ATP9B: variants seen among roughly 807,000 people sequenced by gnomAD.
ATP9B encodes ATPase phospholipid transporting 9B.
Under a neutral mutation model 146.1 loss-of-function variants are expected in ATP9B, and 110 were observed. The ratio of observed to expected loss-of-function variants is 0.75; its 90% confidence interval spans 0.65 to 0.88. The LOEUF is 0.88. Among genes scored for constraint, ATP9B ranks in the 40% least tolerant of loss-of-function variants. ATP9B has a pLI of 0.00. For synonymous variants in ATP9B, 604 were observed against 569.7 expected (o/e 1.06, Z -0.86); for missense variants, 1,499 against 1,496.4 (o/e 1.00, Z -0.03).
intron 11 of ATP9B, among the ~76,000 whole-genome samples, chr18:79,244,743 C>T (rs939346465): frequency 6.6e-6 from 1 of 152,102 alleles, no homozygotes. Flanking sequence ...GCAGATACCT[C>T]CCAGAAGAAA....
At chr18:79,271,213 C>A (rs79571827) in intron 12 of ATP9B, among the ~76,000 whole-genome samples, 6,537 of 152,158 alleles carry the variant, frequency 0.043, 165 homozygotes, top group South Asian at 0.085. Flanking sequence ...AAATGACTTT[C>A]TGTAATACTT....
chr18:79,193,964 A>G (rs1367927098), intron 9 of ATP9B, among the ~76,000 whole-genome samples: 2 of 152,216 alleles, frequency 1.3e-5, no homozygotes, highest in Non-Finnish European at 2.9e-5. Context: ...CAGAGCTTAT[A>G]TAATGTGACA....
chr18:79,369,216 G>A (rs2097054117), intron 26 of ATP9B, among the ~76,000 whole-genome samples: 1 of 151,526 alleles, frequency 6.6e-6, no homozygotes, highest in African/African-American at 2.4e-5. Context: ...GGCCAACACC[G>A]TAAAACCCCG....
At chr18:79,376,388 C>CTTTTTTT (rs773403288) in intron 29 of ATP9B, 2 of 844,904 alleles carry the variant, frequency 2.4e-6, no homozygotes, top group Non-Finnish European at 1.4e-6. Context: ...CATCTGCAAC[C>CTTTTTTT]ATTTTTTTTT....
At chr18:79,252,176 T>TG (rs1173161207) in intron 11 of ATP9B, among the ~76,000 whole-genome samples, 3 of 152,226 alleles carry the variant, frequency 2.0e-5, no homozygotes, top group Non-Finnish European at 4.4e-5. Context: ...GCAGCACACA[T>TG]GGGGGGCGTA....
At chr18:79,137,509 C>T (rs1010815092) in intron 5 of ATP9B, among the ~76,000 whole-genome samples, 1 of 152,156 alleles carries the variant, frequency 6.6e-6, no homozygotes, top group Non-Finnish European at 1.5e-5. Flanking sequence ...TATTCCCCAG[C>T]GTGAGGCCAG....
chr18:79,356,880 A>G (rs769200974), intron 25 of ATP9B, among the ~76,000 whole-genome samples: 17,063 of 43,794 alleles, frequency 0.39, 3,572 homozygotes, highest in East Asian at 0.65. Flanking sequence ...TGTGTGAGGG[A>G]TGCTCTGGGT....
Position 79,154,515 on chromosome 18 carries a change from TCCATC to T in ATP9B, c.739_743del (p.Pro247GlyfsTer6), listed in dbSNP as rs1294345713. On this transcript the variant is annotated frameshift_variant, in exon 7 of 30. Transcript: ENST00000426216. LOFTEE classifies it high-confidence loss of function. ...AATGCTCTTTGCAGAATCAAAGAAT[TCCATC>T]GGACATGGTGTTTCTTAGGACTTCA... 2.6e-6 allele frequency: 4 copies of T among 1,537,690 alleles called. No individual in the cohort carries two copies. The highest frequency in any genetic ancestry group is 1.4e-5 in the African/African-American group (1 of 70,476).
chr18:79,285,506 T>G (rs2096428614), intron 13 of ATP9B, among the ~76,000 whole-genome samples: 1 of 152,240 alleles, frequency 6.6e-6, no homozygotes, highest in Non-Finnish European at 1.5e-5. Flanking sequence ...CATTGTAGAT[T>G]CTGGATATTA....
Position 79,240,626 on chromosome 18 carries a change from T to C in ATP9B, c.1108-12755T>C, listed in dbSNP as rs186134673. 7.8e-3 allele frequency among the ~76,000 whole-genome samples: 1,187 copies of C among 152,262 alleles called. 3 individuals are homozygous for C. Among genetic ancestry groups the C allele is most frequent in the Non-Finnish European group, 0.013 (913 of 68,016 alleles). On this transcript the variant is annotated intron_variant, in intron 11 of 29. Transcript: ENST00000426216. ...TGGGTGTGGTGGTGCATGCCTGTAATCCCAGCTACTCCAGAGGCTGAGGCA... is the reference window on the plus strand; with the variant it reads ...TGGGTGTGGTGGTGCATGCCTGTAACCCCAGCTACTCCAGAGGCTGAGGCA...
At chr18:79,275,246 A>G (rs2096295112) in intron 12 of ATP9B, among the ~76,000 whole-genome samples, 1 of 129,120 alleles carries the variant, frequency 7.7e-6, no homozygotes, top group Non-Finnish European at 1.8e-5. Flanking sequence ...ACAGGAAGGC[A>G]GTCATTTCTT....
intron 26 of ATP9B, chr18:79,361,519 ATT>A (rs10718621): frequency 2.1e-3 from 306 of 143,244 alleles, no homozygotes; most frequent in Non-Finnish European, 2.4e-3. Flanking sequence ...CCATCCCTAC[ATT>A]TTTTTTTTTT....
In ATP9B at chr18:79,193,205, A is replaced by T. The variant is rs112970592; in HGVS notation, c.896A>T (p.Tyr299Phe). ...CAGGACCTTTTTTCTATCAGTGCTT[A>T]TGTTTATGCTCAGAAACCACAAATG... ...ALGDLFSISAYVYAQKPQMDI... is the reference protein window; with the variant it reads ...ALGDLFSISAFVYAQKPQMDI... The change falls in exon 9 of 30, where the codon TAT becomes TTT. Residue 299 changes from tyrosine (Y) to phenylalanine (F), a missense_variant. By Grantham distance (22) the Tyr-to-Phe change is conservative (BLOSUM62 3). Coordinates refer to ENST00000426216, the MANE Select transcript of ATP9B (RefSeq NM_198531.5). 1.9e-6 allele frequency: 3 copies of T among 1,610,384 alleles called. No individual in the cohort carries two copies. The highest frequency in any genetic ancestry group is 1.3e-5 in the African/African-American group (1 of 74,960).
At chr18:79,108,191 G>T (rs1376985890) in intron 2 of ATP9B, among the ~76,000 whole-genome samples, 4 of 152,184 alleles carry the variant, frequency 2.6e-5, no homozygotes, top group Non-Finnish European at 4.4e-5. Flanking sequence ...CCACAGCAGG[G>T]ATGCTGGAGG....
At position 79,347,796 on chromosome 18, in the gene ATP9B, C is replaced by T. The variant is rs778133143; in HGVS notation, c.2709C>T (p.Ala903=). 5.0e-6 allele frequency: 8 copies of T among 1,595,538 alleles called. No homozygotes were observed. The highest frequency in any genetic ancestry group is 4.5e-5 in the East Asian group (2 of 43,984). The part of the protein sequence containing the change: ...GKEGKQASLA[A]DFSITQFRHI... ...AGGGTAAACAGGCCTCGCTGGCGGCCGACTTCTCCATCACGCAGTTCCGGC... is the reference window on the plus strand; with the variant it reads ...AGGGTAAACAGGCCTCGCTGGCGGCTGACTTCTCCATCACGCAGTTCCGGC... The change falls in exon 24 of 30, where the codon GCC becomes GCT. Residue 903 remains alanine, a synonymous_variant. Transcript: ENST00000426216.
intron 13 of ATP9B, among the ~76,000 whole-genome samples, chr18:79,302,605 G>A (rs1199769094): frequency 6.6e-6 from 1 of 152,196 alleles, no homozygotes; most frequent in Non-Finnish European, 1.5e-5. Flanking sequence ...TAGGTTAAAT[G>A]AGATCTCTTT....
chr18:79,202,967 G>C (rs754123447), intron 9 of ATP9B, among the ~76,000 whole-genome samples: 5 of 152,088 alleles, frequency 3.3e-5, no homozygotes. Context: ...TTTGACATTA[G>C]GAGAAAATAT....
intron 15 of ATP9B, among the ~76,000 whole-genome samples, chr18:79,326,413 T>C (rs1451945699): frequency 3.0e-5 from 4 of 134,346 alleles, no homozygotes; most frequent in African/African-American, 1.1e-4. Flanking sequence ...GTCATCTCTG[T>C]ACCCTCCCTC....
chr18:79,255,812 G>A (rs1206662138), intron 12 of ATP9B, among the ~76,000 whole-genome samples: 1 of 152,182 alleles, frequency 6.6e-6, no homozygotes, highest in Non-Finnish European at 1.5e-5. Context: ...CTCAAGGGTG[G>A]TGTATTTTTC....
Sources: gnomAD v4.1 joint callset for allele counts (sites outside exome capture counted in the v4.1 genomes callset) on GRCh38, gnomAD v4.1.1 for gene constraint, MANE v1.5 for transcripts, NCBI Gene and HGNC (gene_info 2026-07-23, HGNC 2026-07-21) for gene names.